Variants in TNIP1 observed in about 807,000 individuals in gnomAD.
The protein encoded by TNIP1 is TNFAIP3-interacting protein 1.
A neutral mutation model predicts 86.6 loss-of-function variants in TNIP1; 22 were observed. The observed-to-expected ratio is 0.25, with a 90% CI of 0.18 to 0.36. The LOEUF (loss-of-function observed/expected upper bound fraction) is 0.36. Ranked by LOEUF, TNIP1 falls within the 10% of genes least tolerant of loss-of-function variation. The probability of loss-of-function intolerance (pLI) is 1.00; values close to 1 mark genes in which losing one functional copy is unlikely to be tolerated. For synonymous variants in TNIP1, 294 were observed against 313.0 expected (o/e 0.94, Z 0.64); for missense variants, 709 against 820.6 (o/e 0.86, Z 1.66).
chr5:151,059,799 GAGAGAGA>G (rs1561512210), intron 5 of TNIP1, among the ~76,000 whole-genome samples: 3 of 106,682 alleles, frequency 2.8e-5, no homozygotes, highest in African/African-American at 1.4e-4. Context: ...GAGAGAGAGA[GAGAGAGA>G]GAGAGAGAGA....
Position 151,030,502 on chromosome 5 carries a change from A to G in TNIP1, c.*211T>C. 1.4e-6 allele frequency: 1 copy of G among 697,222 alleles called. No individual in the cohort carries two copies. The allele number at this position is 697,222 out of a possible 1,614,324, so 43.2% of individuals were successfully genotyped here. ...GAAGGAGTTTTTCCCAGTCACTCCC[A>G]GCAGAGTACAAATGAAAGCCTTCTG... On this transcript the variant is annotated 3_prime_UTR_variant, in exon 18 of 18. Coordinates refer to ENST00000521591, the MANE Select transcript of TNIP1 (RefSeq NM_006058.5).
chr5:151,054,818 G>T (rs1169304244), intron 6 of TNIP1, among the ~76,000 whole-genome samples: 1 of 152,214 alleles, frequency 6.6e-6, no homozygotes, highest in African/African-American at 2.4e-5. Flanking sequence ...TGAATGAGGA[G>T]GAACTGGATC....
intron 16 of TNIP1, among the ~76,000 whole-genome samples, chr5:151,033,249 T>C (rs2113230461): frequency 6.8e-6 from 1 of 146,718 alleles, no homozygotes; most frequent in South Asian, 2.1e-4. Context: ...GAGAGAAACA[T>C]GGTGAGGCTC....
At chr5:151,035,815 G>T in intron 13 of TNIP1, 108 bp from the exon 14 acceptor site, 1 of 1,460,202 alleles carries the variant, frequency 6.8e-7, no homozygotes, top group Admixed American at 2.0e-5. Context: ...TGGCAGAGCT[G>T]GGGGTCGCCA....
At chr5:151,033,910 C>T in intron 15 of TNIP1, 111 bp from the exon 16 acceptor site, 1 of 992,372 alleles carries the variant, frequency 1.0e-6, no homozygotes, top group Non-Finnish European at 1.4e-6. Context: ...AGGCTGGGTA[C>T]CAAAGGCTGG....
intron 9 of TNIP1, among the ~76,000 whole-genome samples, chr5:151,045,251 G>A (rs914945646): frequency 3.3e-5 from 5 of 152,060 alleles, no homozygotes; most frequent in Admixed American, 6.5e-5. Context: ...CACCATGCCC[G>A]CTAATTTTTT....
rs1262631861 is a variant in TNIP1, at chr5:151,055,414, C to G, written c.627+1352G>C. 2.0e-5 allele frequency among the ~76,000 whole-genome samples: 3 copies of G among 152,168 alleles called. No individual in the cohort carries two copies. In the East Asian group the frequency reaches 5.8e-4, roughly 29 times the overall value. On this transcript the variant is annotated intron_variant, in intron 6 of 17. Transcript: ENST00000521591. Reference sequence around the variant, plus strand: ...AAAGTGGATGCGCAAAGTGCTCTCACCCCAGGCACCTTCCTACCCTGCCCA... The same window carrying G: ...AAAGTGGATGCGCAAAGTGCTCTCAGCCCAGGCACCTTCCTACCCTGCCCA...
At position 151,049,964 on chromosome 5, in the gene TNIP1, C is replaced by G. The variant is rs925607693; in HGVS notation, c.723-17G>C. ...TTTTCCTCCCTGGGATGGAGGTAAA[C>G]AGAGAAATCACAATGCTGACCCTGA... On this transcript the variant is annotated splice_polypyrimidine_tract_variant and intron_variant, in intron 7 of 17. Transcript: ENST00000521591. The G allele has an allele frequency of 6.2e-7, 1 of 1,613,790 alleles. No individual in the cohort carries two copies. Among genetic ancestry groups the G allele is most frequent in the African/African-American group, 1.3e-5 (1 of 75,040 alleles).
At chr5:151,059,664 A>G (rs1245501200) in intron 5 of TNIP1, among the ~76,000 whole-genome samples, 2 of 152,208 alleles carry the variant, frequency 1.3e-5, no homozygotes, top group Non-Finnish European at 2.9e-5. Context: ...TGGTTCTTCA[A>G]TAAGTCTGCC....
At position 151,086,341 on chromosome 5, in the gene TNIP1, C is replaced by T. The variant is rs563933635; in HGVS notation, c.-37+744G>A. On this transcript the variant is annotated intron_variant, in intron 1 of 17. Coordinates refer to the TNIP1 transcript ENST00000315050. ...TCAGCTGTGTCTGCCTGCCCTTGGC[C>T]CACTCCCTGTGCCCTGGGCTCTCTG... 2.6e-5 allele frequency among the ~76,000 whole-genome samples: 4 copies of T among 152,216 alleles called. No individual in the cohort carries two copies. The South Asian group carries it at 8.3e-4, about 32-fold the overall frequency.
At chr5:151,059,519 T>C (rs1761110327) in intron 5 of TNIP1, among the ~76,000 whole-genome samples, 1 of 152,088 alleles carries the variant, frequency 6.6e-6, no homozygotes, top group African/African-American at 2.4e-5. Context: ...CAGGGATCAA[T>C]ATATCAGTGA....
intron 8 of TNIP1, among the ~76,000 whole-genome samples, chr5:151,047,948 TTC>T (rs1268313045): frequency 1.3e-5 from 2 of 152,040 alleles, no homozygotes; most frequent in African/African-American, 4.8e-5. Flanking sequence ...CTTTCCAGCG[TTC>T]TCTTTCCCTC....
chr5:151,052,651 G>A (rs755550784), intron 6 of TNIP1, among the ~76,000 whole-genome samples: 7 of 152,110 alleles, frequency 4.6e-5, no homozygotes, highest in East Asian at 1.9e-4. Context: ...CTGACTCCCC[G>A]ATCCAGCTAC....
upstream of TNIP1, among the ~76,000 whole-genome samples, chr5:151,083,609 A>C (rs1014366182): frequency 2.6e-5 from 4 of 152,182 alleles, no homozygotes; most frequent in Non-Finnish European, 5.9e-5. Context: ...CACTCGCACA[A>C]AGCCACACCC....
chr5:151,072,950 G>T (rs555770011), intron 1 of TNIP1, among the ~76,000 whole-genome samples: 4 of 152,296 alleles, frequency 2.6e-5, no homozygotes, highest in African/African-American at 9.6e-5. Context: ...GGCTGGGTGC[G>T]GTGGCTCATG....
intron 1 of TNIP1, among the ~76,000 whole-genome samples, chr5:151,067,684 G>C (rs112144552): frequency 3.6e-4 from 54 of 151,944 alleles, no homozygotes; most frequent in African/African-American, 1.3e-3. Flanking sequence ...AGTCCATCCT[G>C]TGTGCCAGGG....
chr5:151,039,744 G>A (rs529187434), intron 11 of TNIP1, among the ~76,000 whole-genome samples: 1 of 152,366 alleles, frequency 6.6e-6, no homozygotes, highest in South Asian at 2.1e-4. Context: ...AGACACTGCA[G>A]CTCATACAGC....
chr5:151,046,785 T>C (rs1417360236), intron 8 of TNIP1, among the ~76,000 whole-genome samples: 1 of 152,144 alleles, frequency 6.6e-6, no homozygotes, highest in Non-Finnish European at 1.5e-5. Context: ...TACATCACAA[T>C]AGTATTGGAT....
At chr5:151,041,774 C>T (rs1227079547) in intron 11 of TNIP1, among the ~76,000 whole-genome samples, 5 of 152,170 alleles carry the variant, frequency 3.3e-5, no homozygotes, top group African/African-American at 1.2e-4. Context: ...GGACTCTATG[C>T]CAAAGCACAA....
Sources: allele counts gnomAD v4.1 joint callset (sites outside exome capture counted in the v4.1 genomes callset), GRCh38; gene constraint gnomAD v4.1.1; transcripts MANE v1.5; gene names NCBI Gene and HGNC (gene_info 2026-07-23, HGNC 2026-07-21).